Variants in NDUFAF7 observed in about 807,000 individuals in gnomAD.
NDUFAF7 encodes protein arginine methyltransferase NDUFAF7, mitochondrial.
Under a neutral mutation model 47.2 loss-of-function variants are expected in NDUFAF7, and 48 were observed. The observed-to-expected ratio is 1.02, with a 90% CI of 0.81 to 1.29. NDUFAF7 has a LOEUF of 1.29. Ranked by LOEUF, NDUFAF7 falls within the 50% of genes most tolerant of loss-of-function variation. The pLI, the probability that NDUFAF7 is intolerant of heterozygous loss-of-function variation, is 0.00. For synonymous variants in NDUFAF7, 217 were observed against 190.0 expected, an observed-to-expected ratio of 1.14 and a Z score of -1.17; for missense variants, 635 against 537.6, an observed-to-expected ratio of 1.18 and a Z score of -1.79.
chr2:37,267,362 AGAG>A, the NDUFAF7 span: 6 of 1,063,766 alleles, frequency 5.6e-6, no homozygotes, highest in South Asian at 3.1e-5. Flanking sequence ...AAAAAAAAAA[AGAG>A]AAGCAGTTAA....
At chr2:37,242,315 C>T (rs1435434670) in intron 5 of NDUFAF7, 14 of 285,270 alleles carry the variant, frequency 4.9e-5, no homozygotes, top group Admixed American at 2.0e-4. Flanking sequence ...TCAGCCTTCT[C>T]AGGCTGAGAA....
At chr2:37,236,219 T>G in intron 3 of NDUFAF7, 43 bp downstream of exon 3, 1 of 1,445,042 alleles carries the variant, frequency 6.9e-7, no homozygotes, top group South Asian at 1.1e-5. Context: ...ATATAAACAT[T>G]TGAGAGCAGA....
the NDUFAF7 span, among the ~76,000 whole-genome samples, chr2:37,261,782 A>AAAACAAAAC: frequency 6.6e-6 from 1 of 152,126 alleles, no homozygotes; most frequent in African/African-American, 2.4e-5. Context: ...CTCTATCTCA[A>AAAACAAAAC]AAACAAAAAA....
At chr2:37,243,637 G>T (rs556562212) in intron 6 of NDUFAF7, among the ~76,000 whole-genome samples, 1 of 152,226 alleles carries the variant, frequency 6.6e-6, no homozygotes, top group South Asian at 2.1e-4. Flanking sequence ...TTTCCATGCT[G>T]CTGATTTTAT....
chr2:37,252,496 G>A (rs560015692), downstream of NDUFAF7: 1 of 152,270 alleles, frequency 6.6e-6, no homozygotes, highest in Admixed American at 6.5e-5. Context: ...CACAGAAGGT[G>A]ACAATCCTTA....
At chr2:37,245,194 G>GTCAA (rs1666775240) in intron 7 of NDUFAF7, among the ~76,000 whole-genome samples, 1 of 152,188 alleles carries the variant, frequency 6.6e-6, no homozygotes, top group Non-Finnish European at 1.5e-5. Context: ...AGTAAGCATA[G>GTCAA]GAAGAGCTGA....
chr2:37,265,025 C>T, the NDUFAF7 span, among the ~76,000 whole-genome samples: 2 of 152,166 alleles, frequency 1.3e-5, no homozygotes, highest in Non-Finnish European at 2.9e-5. Context: ...GCAATCTTCA[C>T]CCCATCTTTT....
At chr2:37,243,502 G>C (rs997266387) in intron 6 of NDUFAF7, among the ~76,000 whole-genome samples, 2 of 152,130 alleles carry the variant, frequency 1.3e-5, no homozygotes, top group Non-Finnish European at 2.9e-5. Flanking sequence ...GGAGATTTAA[G>C]ATTTGGTGAT....
chr2:37,237,733 T>TG, intron 3 of NDUFAF7, 24 bp from the exon 4 acceptor site: 2 of 1,385,784 alleles, frequency 1.4e-6, no homozygotes, highest in Non-Finnish European at 2.1e-6. Flanking sequence ...CTTTAATATG[T>TG]GTTTTTTTTT....
chr2:37,264,649 G>T, the NDUFAF7 span, among the ~76,000 whole-genome samples: 1 of 152,090 alleles, frequency 6.6e-6, no homozygotes, highest in African/African-American at 2.4e-5. Context: ...AAGCATTCCA[G>T]GCAGAGGAAA....
chr2:37,266,624 T>C, the NDUFAF7 span, among the ~76,000 whole-genome samples: 2 of 152,094 alleles, frequency 1.3e-5, no homozygotes, highest in African/African-American at 4.8e-5. Context: ...GTAGCTGGGA[T>C]TATGGGCATG....
At chr2:37,267,867 C>G in the NDUFAF7 span, 70 of 242,216 alleles carry the variant, frequency 2.9e-4, 1 homozygote, top group African/African-American at 1.5e-3. Flanking sequence ...GATGGAAATA[C>G]TGTATGAATG....
chr2:37,233,942 A>G (rs920082666), intron 2 of NDUFAF7, among the ~76,000 whole-genome samples: 5 of 152,256 alleles, frequency 3.3e-5, no homozygotes, highest in African/African-American at 1.2e-4. Flanking sequence ...TAGTAGCATC[A>G]GCAATACCTG....
chr2:37,262,208 T>C, the NDUFAF7 span, among the ~76,000 whole-genome samples: 1 of 152,220 alleles, frequency 6.6e-6, no homozygotes, highest in African/African-American at 2.4e-5. Context: ...TCACATGTTT[T>C]TGGCCTATGT....
chr2:37,240,112 T>G (rs185955867), intron 4 of NDUFAF7, among the ~76,000 whole-genome samples: 10 of 152,336 alleles, frequency 6.6e-5, no homozygotes, highest in African/African-American at 2.4e-4. Context: ...GAGTTTATTT[T>G]ATATGTACTT....
intron 3 of NDUFAF7, 76 bp downstream of exon 3, chr2:37,236,252 AGTGTT>A: frequency 8.1e-7 from 1 of 1,237,874 alleles, no homozygotes; most frequent in Non-Finnish European, 1.2e-6. Flanking sequence ...ATTCTGTAGT[AGTGTT>A]CTACAGCTTT....
chr2:37,268,482 C>T, the NDUFAF7 span: 1 of 379,730 alleles, frequency 2.6e-6, no homozygotes, highest in South Asian at 2.0e-5. Context: ...AAGATCCAGA[C>T]ATCTCACAGC....
chr2:37,260,419 A>G, the NDUFAF7 span: 1 of 1,564,940 alleles, frequency 6.4e-7, no homozygotes. Context: ...GAGCAACTTA[A>G]GCAGAGAAAC....
rs138636907 is a variant in NDUFAF7 at position 37,241,592 on chromosome 2, T to G, written c.423T>G (p.Leu141=). The G allele has an allele frequency of 8.7e-6, 14 of 1,613,506 alleles. No individual in the cohort carries two copies. The highest frequency in any genetic ancestry group is 1.1e-5 in the Non-Finnish European group (13 of 1,179,788). The change falls in exon 5 of 10, where the codon CTT becomes CTG. Residue 141 remains leucine, a synonymous_variant. Coordinates refer to ENST00000002125, the MANE Select transcript of NDUFAF7 (RefSeq NM_144736.5). ...TTGGTATTTAGGTGTTCACTCAACT[T>G]GGATCTGTGCTGAAAAATTGTGACA... ...VGDILRVFTQ[L]GSVLKNCDIS...
Sources: allele counts gnomAD v4.1 joint callset (sites outside exome capture counted in the v4.1 genomes callset), GRCh38; gene constraint gnomAD v4.1.1; transcripts MANE v1.5; gene names NCBI Gene and HGNC (gene_info 2026-07-23, HGNC 2026-07-21).